MAPK10: variants seen among roughly 807,000 people sequenced by gnomAD.
MAPK10 encodes mitogen-activated protein kinase 10.
Under a neutral mutation model 59.3 loss-of-function variants are expected in MAPK10, and 25 were observed. The ratio of observed to expected loss-of-function variants is 0.42; its 90% CI spans 0.31 to 0.59. MAPK10 has a LOEUF of 0.59. MAPK10 is among the 20% of genes least tolerant of loss of function. The pLI is 0.15. For missense variants in MAPK10, 351 were observed against 568.9 expected (o/e 0.62, Z 3.90); for synonymous variants, 190 against 200.5 (o/e 0.95, Z 0.44).
chr4:86,344,685 G>A (rs992178086), intron 2 of MAPK10, among the ~76,000 whole-genome samples: 1 of 152,048 alleles, frequency 6.6e-6, no homozygotes, highest in African/African-American at 2.4e-5. Flanking sequence ...GGAACTGTGT[G>A]ATATTTAATC....
At chr4:86,120,515 C>T (rs535540335) in intron 4 of MAPK10, 5 of 152,214 alleles carry the variant, frequency 3.3e-5, no homozygotes, top group African/African-American at 7.2e-5. Context: ...GCTCTAGACA[C>T]GAGGCAATTT....
chr4:86,091,756 C>A (rs1580091693), intron 9 of MAPK10, among the ~76,000 whole-genome samples: 1 of 151,846 alleles, frequency 6.6e-6, no homozygotes, highest in South Asian at 2.1e-4. Context: ...TCACTGCAAC[C>A]TCTGCCCCCT....
intron 2 of MAPK10, among the ~76,000 whole-genome samples, chr4:86,226,075 A>C (rs572159171): frequency 2.0e-5 from 3 of 152,236 alleles, no homozygotes; most frequent in Non-Finnish European, 4.4e-5. Context: ...CTTCATATAC[A>C]CTAATCAAAT....
chr4:86,101,478 T>G, intron 7 of MAPK10: 1 of 423,980 alleles, frequency 2.4e-6, no homozygotes, highest in Non-Finnish European at 4.3e-6. Flanking sequence ...AAAAAAATAT[T>G]TATTGTCTTC....
At chr4:86,278,014 G>A (rs1356571666) in intron 2 of MAPK10, among the ~76,000 whole-genome samples, 2 of 152,040 alleles carry the variant, frequency 1.3e-5, no homozygotes, top group South Asian at 2.1e-4. Context: ...ATGTACCTCA[G>A]TTATAAGTAA....
At chr4:86,449,660 T>C (rs553485181) in intron 1 of MAPK10, among the ~76,000 whole-genome samples, 13 of 152,362 alleles carry the variant, frequency 8.5e-5, no homozygotes, top group African/African-American at 3.1e-4. Context: ...ACTAGGAAAC[T>C]GTGACTTGCT....
intron 1 of MAPK10, among the ~76,000 whole-genome samples, chr4:86,559,401 T>C (rs1760502708): frequency 6.6e-6 from 1 of 152,172 alleles, no homozygotes; most frequent in Non-Finnish European, 1.5e-5. Context: ...CTTGGATTCC[T>C]TATGCTGTTT....
chr4:86,078,951 T>G (rs2050078676), intron 9 of MAPK10, among the ~76,000 whole-genome samples: 1 of 152,050 alleles, frequency 6.6e-6, no homozygotes, highest in Non-Finnish European at 1.5e-5. Context: ...GTAGCACCAT[T>G]GCACTCCAGC....
intron 13 of MAPK10, among the ~76,000 whole-genome samples, chr4:86,021,135 C>T (rs1045387123): frequency 6.6e-6 from 1 of 152,212 alleles, no homozygotes; most frequent in Non-Finnish European, 1.5e-5. Context: ...CAGCTAGATA[C>T]AGAGTGTGGA....
At chr4:86,586,102 T>G (rs1762633658) in intron 1 of MAPK10, among the ~76,000 whole-genome samples, 1 of 152,160 alleles carries the variant, frequency 6.6e-6, no homozygotes. Context: ...TAGAGCATAT[T>G]CACATTAAAT....
intron 13 of MAPK10, among the ~76,000 whole-genome samples, chr4:86,022,117 G>C (rs1381642578): frequency 6.6e-6 from 1 of 152,234 alleles, no homozygotes; most frequent in African/African-American, 2.4e-5. Context: ...CCAGGCAGGG[G>C]AGGTGCCGAG....
At chr4:86,073,290 CT>C (rs1301212634) in intron 9 of MAPK10, among the ~76,000 whole-genome samples, 1 of 149,068 alleles carries the variant, frequency 6.7e-6, no homozygotes, top group Non-Finnish European at 1.5e-5. Flanking sequence ...CTCTTTTTTT[CT>C]TTATTAGTCT....
intron 1 of MAPK10, among the ~76,000 whole-genome samples, chr4:86,376,970 G>A (rs1033667167): frequency 3.9e-5 from 6 of 152,168 alleles, no homozygotes; most frequent in Non-Finnish European, 8.8e-5. Flanking sequence ...CTGCTCCAGA[G>A]TAGCCCATCA....
intron 1 of MAPK10, chr4:86,593,756 C>G (rs549699618): frequency 6.6e-6 from 1 of 152,262 alleles, no homozygotes; most frequent in African/African-American, 2.4e-5. Flanking sequence ...TTGACCCCGC[C>G]ATTTCTAAGT....
chr4:86,086,663 C>T (rs750714579), intron 9 of MAPK10, among the ~76,000 whole-genome samples: 1 of 152,030 alleles, frequency 6.6e-6, no homozygotes, highest in Non-Finnish European at 1.5e-5. Flanking sequence ...AACATAACTC[C>T]TTATAATGTA....
At chr4:86,039,166 A>G (rs1191195453) in intron 11 of MAPK10, among the ~76,000 whole-genome samples, 1 of 152,208 alleles carries the variant, frequency 6.6e-6, no homozygotes, top group East Asian at 1.9e-4. Flanking sequence ...TCACAGAAAC[A>G]TCAATTTGAA....
chr4:86,085,536 A>C lies in MAPK10; in HGVS notation c.802+12988T>G, dbSNP rs150325990. ...GATCATCAGAGAAATGCAAATCAAA[A>C]CTACAATGAGATATCATCTCACCCC... On this transcript the variant is annotated intron_variant, in intron 9 of 13. Coordinates refer to ENST00000641462, the MANE Select transcript of MAPK10 (RefSeq NM_138982.4). 7.0e-3 allele frequency among the ~76,000 whole-genome samples: 1,061 copies of C among 152,340 alleles called. 8 individuals carry two copies. The highest frequency in any genetic ancestry group is 0.024 in the African/African-American group (1,011 of 41,568).
At chr4:86,416,050 A>T (rs1477962341) in intron 1 of MAPK10, among the ~76,000 whole-genome samples, 2 of 152,236 alleles carry the variant, frequency 1.3e-5, no homozygotes, top group Non-Finnish European at 2.9e-5. Flanking sequence ...CCCAAAATGC[A>T]TACGTTGAAG....
intron 2 of MAPK10, among the ~76,000 whole-genome samples, chr4:86,278,051 C>G (rs1252178564): frequency 2.0e-5 from 3 of 152,070 alleles, no homozygotes; most frequent in Non-Finnish European, 4.4e-5. Context: ...TGGGCTTACA[C>G]AGGGACAATT....
Sources: gnomAD v4.1 joint callset for allele counts (sites outside exome capture counted in the v4.1 genomes callset) on GRCh38, gnomAD v4.1.1 for gene constraint, MANE v1.5 for transcripts, NCBI Gene and HGNC (gene_info 2026-07-23, HGNC 2026-07-21) for gene names.